Variants in NCOA3 observed in about 807,000 individuals in gnomAD.
NCOA3 encodes CBP-interacting protein.
A neutral mutation model predicts 158.8 loss-of-function variants in NCOA3; 51 were observed. That is an observed-to-expected ratio of 0.32 (90% CI 0.26 to 0.41). The LOEUF is 0.41. Among genes scored for constraint, NCOA3 ranks in the 10% least tolerant of loss-of-function variants. The pLI, the probability that NCOA3 is intolerant of heterozygous loss-of-function variation, is 1.00. For missense variants in NCOA3, 1,510 were observed against 1,746.6 expected (o/e 0.86, Z 2.41); for synonymous variants, 537 against 592.4 (o/e 0.91, Z 1.36).
chr20:47,622,275 C>T lies in NCOA3; in HGVS notation c.28C>T (p.Pro10Ser). 6.2e-7 allele frequency: 1 copy of T among 1,606,832 alleles called. No individual in the cohort carries two copies. The highest frequency in any genetic ancestry group is 8.5e-7 in the Non-Finnish European group (1 of 1,177,078). MSGLGENLD[P>S]LASDSRKRKL... is the part of the protein sequence containing the mutation. The stretch of plus-strand genomic sequence containing the variant: ...GAGTGGATTAGGAGAAAACTTGGAT[C>T]CACTGGCCAGTGATTCACGAAAACG... The change falls in exon 3 of 23, where the codon CCA (proline) becomes TCA (serine). Residue 10 changes from proline (P) to serine (S), a missense_variant. By Grantham distance (74) the Pro-to-Ser change is moderately conservative (BLOSUM62 -1). Around this residue, in one of 4 missense-constraint regions of NCOA3, gnomAD observed 309 missense variants for 427.1 expected, o/e 0.72. Transcript: ENST00000371998.
intron 1 of NCOA3, among the ~76,000 whole-genome samples, chr20:47,579,997 T>G (rs150626435): frequency 8.9e-4 from 136 of 152,324 alleles, no homozygotes; most frequent in African/African-American, 2.7e-3. Flanking sequence ...TCTTATTCAT[T>G]CGCTGTTCCT....
chr20:47,618,825 A>G (rs2086188913), intron 2 of NCOA3, among the ~76,000 whole-genome samples: 1 of 152,236 alleles, frequency 6.6e-6, no homozygotes, highest in African/African-American at 2.4e-5. Flanking sequence ...TTATATGCAC[A>G]TAAACATTGG....
intron 2 of NCOA3, among the ~76,000 whole-genome samples, chr20:47,606,851 G>A (rs1413736803): frequency 6.6e-6 from 1 of 152,188 alleles, no homozygotes; most frequent in Non-Finnish European, 1.5e-5. Context: ...TGTATTGGTT[G>A]ACAGTGATAA....
chr20:47,558,255 T>A (rs1222901875), intron 1 of NCOA3, among the ~76,000 whole-genome samples: 3 of 133,110 alleles, frequency 2.3e-5, no homozygotes, highest in African/African-American at 8.9e-5. Flanking sequence ...TTTTTTTTTT[T>A]TTTTTTAGTA....
chr20:47,592,984 A>C (rs1344081950), intron 2 of NCOA3, among the ~76,000 whole-genome samples: 1 of 152,198 alleles, frequency 6.6e-6, no homozygotes, highest in Non-Finnish European at 1.5e-5. Context: ...CCCAGGCTGG[A>C]GTGCAGTAGT....
chr20:47,602,076 A>G (rs1027445587), intron 2 of NCOA3, among the ~76,000 whole-genome samples: 2 of 152,260 alleles, frequency 1.3e-5, no homozygotes, highest in Non-Finnish European at 2.9e-5. Flanking sequence ...AACTTATATG[A>G]GTACACAAGC....
chr20:47,575,778 G>A, intron 1 of NCOA3, among the ~76,000 whole-genome samples: 1 of 152,190 alleles, frequency 6.6e-6, no homozygotes, highest in East Asian at 1.9e-4. Flanking sequence ...GTGTCAAAGA[G>A]AGAAATATTG....
At chr20:47,593,334 A>AATTTT (rs2085682488) in intron 2 of NCOA3, among the ~76,000 whole-genome samples, 1 of 63,722 alleles carries the variant, frequency 1.6e-5, no homozygotes, top group African/African-American at 6.7e-5. Context: ...GAGTTGATGG[A>AATTTT]TTTTTTTTTT....
chr20:47,596,689 G>A (rs539874026), intron 2 of NCOA3, among the ~76,000 whole-genome samples: 7 of 152,172 alleles, frequency 4.6e-5, no homozygotes, highest in Admixed American at 2.0e-4. Context: ...AGTCTCAAGC[G>A]ATACTCCCAC....
intron 1 of NCOA3, among the ~76,000 whole-genome samples, chr20:47,512,151 G>GA (rs201066256): frequency 1.0e-4 from 15 of 147,806 alleles, no homozygotes; most frequent in South Asian, 4.3e-4. Context: ...CCCATCCTAT[G>GA]AAAAAAAAAT....
At chr20:47,616,435 C>T (rs900696228) in intron 2 of NCOA3, among the ~76,000 whole-genome samples, 1 of 151,898 alleles carries the variant, frequency 6.6e-6, no homozygotes, top group South Asian at 2.1e-4. Flanking sequence ...TCAGGTGATC[C>T]GCCCACCTCG....
chr20:47,527,546 A>G (rs547805318), intron 1 of NCOA3, among the ~76,000 whole-genome samples: 2 of 152,340 alleles, frequency 1.3e-5, no homozygotes, highest in East Asian at 3.9e-4. Flanking sequence ...GTTGAGCAAC[A>G]TTTCTTAGCT....
intron 16 of NCOA3, among the ~76,000 whole-genome samples, chr20:47,641,570 G>C (rs1429777980): frequency 1.5e-5 from 2 of 135,760 alleles, no homozygotes; most frequent in Admixed American, 8.4e-5. Context: ...GCGCAATCTC[G>C]GATCACTGCA....
intron 1 of NCOA3, among the ~76,000 whole-genome samples, chr20:47,535,231 A>AG: frequency 6.6e-6 from 1 of 151,950 alleles, no homozygotes; most frequent in Admixed American, 6.6e-5. Context: ...CCAAACCCCT[A>AG]GGGGGAGCAT....
intron 2 of NCOA3, among the ~76,000 whole-genome samples, 200 bp from the exon 3 acceptor site, chr20:47,622,029 C>T (rs1016411969): frequency 6.3e-4 from 96 of 152,186 alleles, no homozygotes; most frequent in African/African-American, 2.2e-3. Flanking sequence ...GGAGTACATA[C>T]GTTCTGCATA....
At chr20:47,526,643 C>T (rs570429752) in intron 1 of NCOA3, among the ~76,000 whole-genome samples, 1 of 152,230 alleles carries the variant, frequency 6.6e-6, no homozygotes, top group African/African-American at 2.4e-5. Context: ...CGCCTGCAAT[C>T]GCAGGCACTT....
At chr20:47,555,348 G>A (rs2084986717) in intron 1 of NCOA3, among the ~76,000 whole-genome samples, 1 of 152,112 alleles carries the variant, frequency 6.6e-6, no homozygotes, top group South Asian at 2.1e-4. Flanking sequence ...TATTGGAGTG[G>A]GAGGCCAGGG....
intron 2 of NCOA3, among the ~76,000 whole-genome samples, chr20:47,615,830 A>T (rs1018126271): frequency 2.0e-5 from 3 of 152,234 alleles, no homozygotes; most frequent in African/African-American, 7.2e-5. Flanking sequence ...TTTTGATAGC[A>T]TTGAAAGGTA....
At chr20:47,615,570 G>A (rs1312433071) in intron 2 of NCOA3, among the ~76,000 whole-genome samples, 1 of 152,092 alleles carries the variant, frequency 6.6e-6, no homozygotes, top group Admixed American at 6.5e-5. Context: ...GAGCTAGCAG[G>A]TATAATTCTT....
Sources: gnomAD v4.1 joint callset for allele counts (sites outside exome capture counted in the v4.1 genomes callset) on GRCh38, gnomAD v4.1.1 for gene constraint, gnomAD v4.1.1 regional missense constraint, MANE v1.5 for transcripts, NCBI Gene and HGNC (gene_info 2026-07-23, HGNC 2026-07-21) for gene names.